Variants in MIIP observed in about 807,000 individuals in gnomAD.
MIIP encodes the protein migration and invasion inhibitory protein.
In MIIP, 44 loss-of-function variants were observed where a neutral mutation model predicts 44.8. That is an observed-to-expected ratio of 0.98 (90% CI 0.77 to 1.26). MIIP has a LOEUF of 1.26. Ranked by LOEUF, MIIP falls within the 50% of genes most tolerant of loss-of-function variation. MIIP has a pLI of 0.00. For missense variants in MIIP, 496 were observed against 511.7 expected (o/e 0.97, Z 0.30); for synonymous variants, 225 against 218.3 (o/e 1.03, Z -0.27).
chr1:12,023,698 T>C (rs2100898148), intron 4 of MIIP, among the ~76,000 whole-genome samples: 2 of 150,928 alleles, frequency 1.3e-5, no homozygotes, highest in Admixed American at 1.3e-4. Flanking sequence ...TTTTCTTTGC[T>C]TTTTAAGAGA....
In MIIP at chr1:12,019,557, G is replaced by A. The variant is rs1276605663; in HGVS notation, c.-83+5G>A. 6.5e-6 allele frequency: 1 copy of A among 152,674 alleles called. No homozygotes were observed. Among genetic ancestry groups the A allele is most frequent in the Non-Finnish European group, 1.5e-5 (1 of 68,372 alleles). The allele number at this position is 152,674 out of a possible 1,614,324, so 9.5% of individuals were successfully genotyped here. A position where few individuals can be genotyped will look rare whatever the true frequency, so the allele number is the denominator to read the frequency against. Reference sequence around the variant, plus strand: ...CATGCTAGGGGATTCTGCCGGGTGAGTGCTGGGCGGCAGGACTGGGGTGGG... The same window carrying A: ...CATGCTAGGGGATTCTGCCGGGTGAATGCTGGGCGGCAGGACTGGGGTGGG... On this transcript the variant is annotated splice_donor_5th_base_variant and intron_variant, in intron 1 of 9. Transcript: ENST00000235332.
intron 4 of MIIP, among the ~76,000 whole-genome samples, chr1:12,024,317 C>T (rs954655345): frequency 6.6e-6 from 1 of 152,236 alleles, no homozygotes; most frequent in Non-Finnish European, 1.5e-5. Flanking sequence ...AACCTAACCT[C>T]AGCTGCCTTC....
At chr1:12,023,029 G>T in intron 4 of MIIP, 112 bp downstream of exon 4, 1 of 744,458 alleles carries the variant, frequency 1.3e-6, no homozygotes, top group South Asian at 1.7e-5. Flanking sequence ...TTGTTTCTCT[G>T]ACCGTGCCAT....
intron 1 of MIIP, among the ~76,000 whole-genome samples, chr1:12,020,516 T>G (rs1639948205): frequency 1.3e-5 from 2 of 152,018 alleles, no homozygotes; most frequent in Admixed American, 6.6e-5. Flanking sequence ...TTTTTGTATT[T>G]TGTGTGTGTG....
chr1:12,030,503 G>A (rs11807883), intron 8 of MIIP, among the ~76,000 whole-genome samples: 127 of 150,300 alleles, frequency 8.4e-4, no homozygotes, highest in African/African-American at 3.0e-3. Context: ...AGGGGGAGGC[G>A]CCTTGGTGGA....
chr1:12,031,810 G>C lies in MIIP; in HGVS notation c.*2G>C. ...CACGTCCCACGGCAGAAGCCCTGAG[G>C]ACTGACTCCTGGGGGAGAACAGCAT... On this transcript the variant is annotated 3_prime_UTR_variant, in exon 10 of 10. Coordinates refer to ENST00000235332, the MANE Select transcript of MIIP (RefSeq NM_021933.4). The C allele has an allele frequency of 6.2e-7, 1 of 1,613,398 alleles. No individual in the cohort carries two copies.
intron 1 of MIIP, among the ~76,000 whole-genome samples, chr1:12,021,409 AAAAAC>A (rs531322771): frequency 6.6e-6 from 1 of 152,086 alleles, no homozygotes; most frequent in Non-Finnish European, 1.5e-5. Context: ...AAAAAAACAA[AAAAAC>A]AAAACAAAAA....
intron 4 of MIIP, among the ~76,000 whole-genome samples, chr1:12,028,383 C>G (rs1481276714): frequency 6.6e-6 from 1 of 152,116 alleles, no homozygotes; most frequent in Non-Finnish European, 1.5e-5. Flanking sequence ...TTCCCCAGAC[C>G]CTCCCTGGGC....
intron 1 of MIIP, among the ~76,000 whole-genome samples, chr1:12,019,850 C>G (rs555314395): frequency 6.6e-6 from 1 of 152,382 alleles, no homozygotes; most frequent in East Asian, 1.9e-4. Context: ...AACGGCGACC[C>G]TCTGACTATA....
rs201303676 is a variant in MIIP at position 12,027,942 on chromosome 1, TG to T, written c.548-1089del. 2.3e-3 allele frequency among the ~76,000 whole-genome samples: 352 copies of T among 152,330 alleles called. 7 individuals are homozygous for T. The East Asian group carries it at 0.041, about 18-fold the overall frequency. ...AAAATACTGTTTAGGCCGGGTGCGG[TG>T]GCTCACGCCTGTAATCCCAGCACTT... On this transcript the variant is annotated intron_variant, in intron 4 of 9. Transcript: ENST00000235332.
chr1:12,028,991 A>G (rs1640163350), intron 4 of MIIP, 42 bp from the exon 5 acceptor site: 1 of 1,528,312 alleles, frequency 6.5e-7, no homozygotes, highest in Non-Finnish European at 9.1e-7. Flanking sequence ...AGCAGCCCCC[A>G]GCCCCTCTCC....
At position 12,032,028 on chromosome 1, in the gene MIIP, C is replaced by A; in HGVS notation, c.*220C>A. 1.7e-6 allele frequency: 1 copy of A among 587,724 alleles called. No individual in the cohort carries two copies. The highest frequency in any genetic ancestry group is 3.1e-5 in the Admixed American group (1 of 32,648). The allele number at this position is 587,724 out of a possible 1,614,324, so 36.4% of individuals were successfully genotyped here. A position where few individuals can be genotyped will look rare whatever the true frequency, so the allele number is the denominator to read the frequency against. ...TCTGTGGAAGTTTGTAAATAAAGCTCAGTGCTCTGCAGCTCAAGTCCCACG... is the reference window on the plus strand; with the variant it reads ...TCTGTGGAAGTTTGTAAATAAAGCTAAGTGCTCTGCAGCTCAAGTCCCACG... On this transcript the variant is annotated 3_prime_UTR_variant, in exon 10 of 10. Coordinates refer to ENST00000235332, the MANE Select transcript of MIIP (RefSeq NM_021933.4).
At chr1:12,031,050 T>C in intron 8 of MIIP, 1 of 594,748 alleles carries the variant, frequency 1.7e-6, no homozygotes, top group Non-Finnish European at 3.0e-6. Context: ...CACCGTCCTA[T>C]CCTCCTCCCA....
chr1:12,025,158 C>T (rs111418581), intron 4 of MIIP, among the ~76,000 whole-genome samples: 8 of 150,764 alleles, frequency 5.3e-5, no homozygotes, highest in African/African-American at 7.3e-5. Context: ...CTCCCGGGTT[C>T]GAGTGGTTCT....
rs775207415 is a variant in MIIP at position 12,030,122 on chromosome 1, CG to C, written c.942+1del. ...CGCCTCTGACACACTGGCCCTGCCC[CG>C]GGTGAGCAGCCACGTGGGGCTGGAT... ...FDASDTLALP[R>X]HCLLGWDIFP... On this transcript the variant is annotated frameshift_variant and splice_region_variant, in exon 8 of 10. Transcript: ENST00000235332. LOFTEE classifies it high-confidence loss of function. 3.2e-5 allele frequency: 51 copies of C among 1,612,412 alleles called. No individual in the cohort carries two copies. The African/African-American group carries it at 6.5e-4, about 21-fold the overall frequency.
At position 12,021,402 on chromosome 1, in the gene MIIP, A is replaced by AC. The variant is rs532581723; in HGVS notation, c.-82-243_-82-242insC. Among the ~76,000 whole-genome samples the AC allele has an allele frequency of 1.6e-3, 241 of 152,206 alleles. 5 individuals are homozygous for AC. In the East Asian group the frequency reaches 0.04, roughly 25 times the overall value. On this transcript the variant is annotated intron_variant, in intron 1 of 9. Coordinates refer to ENST00000235332, the MANE Select transcript of MIIP (RefSeq NM_021933.4). ...GAGCAAGACTCCATCTCAAAAAAAA[A>AC]AAACAAAAAAACAAAACAAAAAAAA...
chr1:12,027,732 C>T (rs552904031), intron 4 of MIIP, among the ~76,000 whole-genome samples: 37 of 152,340 alleles, frequency 2.4e-4, no homozygotes, highest in African/African-American at 7.9e-4. Context: ...ATCCCACTGT[C>T]TTCTCCACAT....
rs140672560 is a variant in MIIP, at chr1:12,030,046, G to C, written c.864G>C (p.Ser288=). Residue 288 remains serine, a synonymous_variant, in exon 8 of 10, where the codon TCG becomes TCC. Coordinates refer to ENST00000235332, the MANE Select transcript of MIIP (RefSeq NM_021933.4). ...PAHVRVSIPL[S]ILEPPHRYHI... is the part of the protein sequence containing the mutation. ...TGCGCAGGGTGAGCATCCCGCTGTC[G>C]ATCCTGGAGCCCCCGCACCGGTACC... is the stretch of plus-strand genomic sequence containing the variant. 234 of 1,613,524 alleles carry C rather than the reference G, an allele frequency of 1.5e-4. 1 individual carries two copies. In the African/African-American group the frequency reaches 2.9e-3, roughly 20 times the overall value.
chr1:12,031,209 C>G, intron 8 of MIIP, 57 bp from the exon 9 acceptor site: 5 of 1,565,596 alleles, frequency 3.2e-6, no homozygotes, highest in Non-Finnish European at 4.3e-6. Context: ...GGGGGTGTGC[C>G]CAGTCAGCGG....
Sources: gnomAD v4.1 joint callset for allele counts (sites outside exome capture counted in the v4.1 genomes callset) on GRCh38, gnomAD v4.1.1 for gene constraint, MANE v1.5 for transcripts, NCBI Gene and HGNC (gene_info 2026-07-23, HGNC 2026-07-21) for gene names.